The following CACNA2D3 variants were observed in gnomAD, a reference collection of about 807,000 sequenced individuals.
The protein encoded by CACNA2D3 is calcium voltage-gated channel auxiliary subunit alpha2delta 3, also known as voltage-dependent calcium channel subunit alpha-2/delta-3.
In CACNA2D3, 60 loss-of-function variants were observed where a neutral mutation model predicts 160.6. The observed-to-expected ratio is 0.37, with a 90% CI of 0.30 to 0.46. The LOEUF is 0.46. CACNA2D3 is among the 20% of genes least tolerant of loss of function. The pLI is 1.00. For synonymous variants in CACNA2D3, 558 were observed against 492.9 expected (o/e 1.13, Z -1.75); for missense variants, 1,205 against 1,365.0 (o/e 0.88, Z 1.85).
intron 31 of CACNA2D3, among the ~76,000 whole-genome samples, chr3:54,995,544 C>T (rs1702837694): frequency 6.6e-6 from 1 of 152,192 alleles, no homozygotes; most frequent in South Asian, 2.1e-4. Flanking sequence ...CCCCAGCCAT[C>T]ATATCTGCAA....
intron 2 of CACNA2D3, among the ~76,000 whole-genome samples, chr3:54,245,388 C>T (rs532440105): frequency 6.6e-6 from 1 of 152,102 alleles, no homozygotes; most frequent in African/African-American, 2.4e-5. Context: ...GGGGGACCCC[C>T]TGCCTGGACC....
rs548934115 is a variant in CACNA2D3 at position 54,995,793 on chromosome 3, T to C, written c.2690+8040T>C. 7.2e-5 allele frequency among the ~76,000 whole-genome samples: 11 copies of C among 152,370 alleles called. No homozygotes were observed. In the East Asian group the frequency reaches 2.1e-3, roughly 29 times the overall value. On this transcript the variant is annotated intron_variant, in intron 31 of 37. Transcript: ENST00000474759. Reference sequence around the variant, plus strand: ...AGAATAGTTATTGTGAAACTACTGATAGTTTCTACCACATCCAGCATGCCC... The same window carrying C: ...AGAATAGTTATTGTGAAACTACTGACAGTTTCTACCACATCCAGCATGCCC...
chr3:54,992,477 G>A (rs567280272), intron 31 of CACNA2D3, among the ~76,000 whole-genome samples: 1 of 152,130 alleles, frequency 6.6e-6, no homozygotes, highest in Non-Finnish European at 1.5e-5. Context: ...CAATCAGCTG[G>A]CACAAATGAA....
chr3:54,794,308 G>T (rs2106654777), intron 13 of CACNA2D3, among the ~76,000 whole-genome samples: 1 of 152,204 alleles, frequency 6.6e-6, no homozygotes, highest in African/African-American at 2.4e-5. Flanking sequence ...TATAGTGGAA[G>T]AAACTTACAA....
intron 4 of CACNA2D3, among the ~76,000 whole-genome samples, chr3:54,473,481 G>T (rs958416872): frequency 2.6e-5 from 4 of 151,966 alleles, no homozygotes; most frequent in African/African-American, 4.8e-5. Context: ...GGGCAAAGAC[G>T]TCATGACTAA....
chr3:54,457,812 A>T (rs776723524), intron 4 of CACNA2D3, among the ~76,000 whole-genome samples: 1 of 152,038 alleles, frequency 6.6e-6, no homozygotes, highest in Non-Finnish European at 1.5e-5. Flanking sequence ...TCACTGAATG[A>T]TCCCTTTGTC....
intron 2 of CACNA2D3, among the ~76,000 whole-genome samples, chr3:54,305,591 A>C (rs1025560172): frequency 6.6e-6 from 1 of 152,266 alleles, no homozygotes; most frequent in African/African-American, 2.4e-5. Flanking sequence ...AGTGACATAG[A>C]CCAGCATTTG....
intron 27 of CACNA2D3, among the ~76,000 whole-genome samples, chr3:54,914,305 C>A (rs1244814163): frequency 6.6e-6 from 1 of 152,062 alleles, no homozygotes; most frequent in Non-Finnish European, 1.5e-5. Flanking sequence ...GAGGCCTTGT[C>A]TGGGCTCAGC....
At chr3:54,389,151 C>T (rs1240365057) in intron 4 of CACNA2D3, among the ~76,000 whole-genome samples, 1 of 151,934 alleles carries the variant, frequency 6.6e-6, no homozygotes, top group South Asian at 2.1e-4. Context: ...AAAAATTAGC[C>T]GGGCATGGTG....
At chr3:54,174,598 C>T (rs1358965634) in intron 2 of CACNA2D3, among the ~76,000 whole-genome samples, 1 of 152,208 alleles carries the variant, frequency 6.6e-6, no homozygotes, top group Non-Finnish European at 1.5e-5. Context: ...GATCTCAGCT[C>T]ACTGAAAGCT....
intron 2 of CACNA2D3, among the ~76,000 whole-genome samples, chr3:54,228,332 G>T (rs150111325): frequency 6.6e-6 from 1 of 152,166 alleles, no homozygotes; most frequent in Non-Finnish European, 1.5e-5. Flanking sequence ...TCTAACCTCC[G>T]AGTGAGTTTT....
intron 14 of CACNA2D3, among the ~76,000 whole-genome samples, chr3:54,836,214 C>CT (rs763110798): frequency 0.15 from 14,847 of 97,610 alleles, 827 homozygotes; most frequent in South Asian, 0.26. Context: ...AAGGGCCATT[C>CT]TTTTTTTTTT....
chr3:54,775,302 T>C (rs1450486405), intron 13 of CACNA2D3, among the ~76,000 whole-genome samples: 1 of 152,128 alleles, frequency 6.6e-6, no homozygotes, highest in African/African-American at 2.4e-5. Context: ...ATCAGCAGGG[T>C]ATTAATTATG....
At chr3:54,462,378 T>C (rs1700523256) in intron 4 of CACNA2D3, among the ~76,000 whole-genome samples, 1 of 152,226 alleles carries the variant, frequency 6.6e-6, no homozygotes, top group Non-Finnish European at 1.5e-5. Flanking sequence ...AGTGGGGTGT[T>C]AACATCTCCC....
At chr3:54,911,853 G>T (rs1700562974) in intron 27 of CACNA2D3, among the ~76,000 whole-genome samples, 1 of 152,146 alleles carries the variant, frequency 6.6e-6, no homozygotes, top group Admixed American at 6.5e-5. Context: ...CAGAGGTCCA[G>T]GTATTAGTTA....
chr3:54,734,018 A>G (rs1364924831), intron 11 of CACNA2D3, among the ~76,000 whole-genome samples: 2 of 152,058 alleles, frequency 1.3e-5, no homozygotes, highest in East Asian at 1.9e-4. Context: ...TTTGGATGCT[A>G]TGAGTGCATA....
At chr3:54,707,059 G>T (rs1223703309) in intron 11 of CACNA2D3, among the ~76,000 whole-genome samples, 1 of 152,174 alleles carries the variant, frequency 6.6e-6, no homozygotes, top group Non-Finnish European at 1.5e-5. Flanking sequence ...CTTAATCTAA[G>T]TAATGCGTAG....
At chr3:54,811,065 C>T (rs1372204837) in intron 13 of CACNA2D3, among the ~76,000 whole-genome samples, 1 of 152,186 alleles carries the variant, frequency 6.6e-6, no homozygotes, top group African/African-American at 2.4e-5. Context: ...TGCCTACACT[C>T]ACCCCTTCGG....
chr3:54,157,637 C>G (rs577202066), intron 2 of CACNA2D3, among the ~76,000 whole-genome samples: 2 of 152,022 alleles, frequency 1.3e-5, no homozygotes, highest in East Asian at 3.9e-4. Context: ...TAAAAAAATA[C>G]AAAATTAGCC....
Sources: gnomAD v4.1 joint callset for allele counts (sites outside exome capture counted in the v4.1 genomes callset) on GRCh38, gnomAD v4.1.1 for gene constraint, MANE v1.5 for transcripts, NCBI Gene and HGNC (gene_info 2026-07-23, HGNC 2026-07-21) for gene names.